KRT77: variants seen among roughly 807,000 people sequenced by gnomAD.
KRT77 encodes keratin, type II cytoskeletal 1b.
Under a neutral mutation model 51.5 loss-of-function variants are expected in KRT77, and 44 were observed. The observed-to-expected ratio is 0.85, with a 90% confidence interval of 0.67 to 1.10. The LOEUF (loss-of-function observed/expected upper bound fraction) is 1.10, where lower values mean the gene tolerates loss of function less well. Among genes scored for constraint, KRT77 ranks in the 50% least tolerant of loss-of-function variants. KRT77 has a pLI of 0.00. For synonymous variants in KRT77, 293 were observed against 302.0 expected, an observed-to-expected ratio of 0.97 and a Z score of 0.31; for missense variants, 763 against 743.9, an observed-to-expected ratio of 1.03 and a Z score of -0.30.
At chr12:52,691,910 C>T (rs1230950947) in intron 8 of KRT77, 28 bp downstream of exon 8, 1 of 1,613,564 alleles carries the variant, frequency 6.2e-7, no homozygotes, top group Non-Finnish European at 8.5e-7. Context: ...CCACCAGCCT[C>T]TCTCTGCCCC....
intron 3 of KRT77, 49 bp from the exon 4 acceptor site, chr12:52,695,916 G>T: frequency 8.3e-7 from 1 of 1,201,518 alleles, no homozygotes; most frequent in East Asian, 2.3e-5. Flanking sequence ...GGCATTGCCT[G>T]CCACCAGCTC....
rs1941693893 is a variant in KRT77 at position 52,690,933 on chromosome 12, G to C, written c.*232C>G. On this transcript the variant is annotated 3_prime_UTR_variant, in exon 9 of 9. Coordinates refer to ENST00000341809, the MANE Select transcript of KRT77 (RefSeq NM_175078.3). ...CAGCAGGGCCAGCAGAGCGGGGTCT[G>C]AGTGAGAATGTGCCTAGCTGTGAAT... 1.6e-6 allele frequency: 1 copy of C among 618,582 alleles called. No homozygotes were observed. The highest frequency in any genetic ancestry group is 1.9e-5 in the African/African-American group (1 of 53,478). The allele number at this position is 618,582 out of a possible 1,614,324, so 38.3% of individuals were successfully genotyped here.
intron 1 of KRT77, 79 bp from the exon 2 acceptor site, chr12:52,697,975 T>A: frequency 6.8e-7 from 1 of 1,464,220 alleles, no homozygotes; most frequent in Non-Finnish European, 9.5e-7. Flanking sequence ...CCATACCCCC[T>A]CAACACATCC....
At chr12:52,702,829 G>A (rs1941904220) in intron 1 of KRT77, 63 bp downstream of exon 1, 10 of 1,517,442 alleles carry the variant, frequency 6.6e-6, no homozygotes, top group Non-Finnish European at 8.2e-6. Flanking sequence ...AGGTGGTAAG[G>A]TGTAATCTCT....
chr12:52,695,622 G>A (rs1941783811), intron 4 of KRT77, 150 bp downstream of exon 4: 6 of 610,992 alleles, frequency 9.8e-6, no homozygotes, highest in Admixed American at 2.8e-5. Context: ...TGGAGAGGAT[G>A]GCTGACTCCA....
chr12:52,691,282 G>T lies in KRT77; in HGVS notation c.1620C>A (p.Ser540Arg), dbSNP rs764658932. 1.7e-5 allele frequency: 27 copies of T among 1,599,142 alleles called. No homozygotes were observed. Among genetic ancestry groups the T allele is most frequent in the Non-Finnish European group, 2.1e-5 (25 of 1,171,368 alleles). The change falls in exon 9 of 9, where the codon AGC becomes AGA. Residue 540 changes from serine to arginine, a missense_variant. By Grantham distance (110) the Ser-to-Arg change is moderately radical. Coordinates refer to ENST00000341809, the MANE Select transcript of KRT77 (RefSeq NM_175078.3). The part of the protein sequence containing the change: ...ARGRSGGGYG[S>R]GCGGGGGSYG... ...AGCTCCCGCCACCGCCGCCGCAGCC[G>T]CTGCCATAACCGCCTCCACTCCTGC...
At chr12:52,695,396 G>C in intron 4 of KRT77, 1 of 200,750 alleles carries the variant, frequency 5.0e-6, no homozygotes, top group Admixed American at 5.2e-5. Context: ...CTCCCTTTGA[G>C]ACTCACACTG....
rs1340187397 is a variant in KRT77, at chr12:52,691,445, G to T, written c.1463-6C>A. 1 of 1,575,742 alleles carries T rather than the reference G, an allele frequency of 6.3e-7. No individual in the cohort carries two copies. Among genetic ancestry groups the T allele is most frequent in the Admixed American group, 1.7e-5 (1 of 57,472 alleles). ...CACCTGGCTGTTCTGCACGGCTGTG[G>T]GTAGGGGACAGTGCACACGGGGTCA... is the stretch of plus-strand genomic sequence containing the variant. On this transcript the variant is annotated splice_polypyrimidine_tract_variant and splice_region_variant and intron_variant, in intron 8 of 8. Coordinates refer to ENST00000341809, the MANE Select transcript of KRT77 (RefSeq NM_175078.3).
chr12:52,698,006 G>A (rs1275678231), intron 1 of KRT77, 110 bp from the exon 2 acceptor site: 2 of 1,411,636 alleles, frequency 1.4e-6, no homozygotes, highest in African/African-American at 1.4e-5. Context: ...GAATCAGGAT[G>A]GCTCCTCCAA....
At position 52,691,298 on chromosome 12, in the gene KRT77, C is replaced by A. The variant is rs1334140084; in HGVS notation, c.1604G>T (p.Gly535Val). 1 of 1,601,510 alleles carries A rather than the reference C, an allele frequency of 6.2e-7. No individual in the cohort carries two copies. The highest frequency in any genetic ancestry group is 1.3e-5 in the African/African-American group (1 of 74,604). ...YRGGGARGRS[G>V]GGYGSGCGGG... is the part of the protein sequence containing the mutation. ...GCCGCAGCCGCTGCCATAACCGCCT[C>A]CACTCCTGCCTCGTGCCCCGCCTCC... The change falls in exon 9 of 9, where the codon GGA becomes GTA. Residue 535 changes from glycine to valine, a missense_variant. Physicochemically the swap from Gly to Val is moderately radical, Grantham distance 109 (BLOSUM62 -3). Coordinates refer to ENST00000341809, the MANE Select transcript of KRT77 (RefSeq NM_175078.3).
intron 4 of KRT77, 50 bp from the exon 5 acceptor site, chr12:52,694,840 C>G (rs1941770642): frequency 2.1e-6 from 3 of 1,451,304 alleles, no homozygotes; most frequent in South Asian, 3.2e-5. Context: ...CTCTGGGGGC[C>G]TCAGTTTTCC....
chr12:52,691,270 G>T lies in KRT77; in HGVS notation c.1632C>A (p.Gly544=). The T allele has an allele frequency of 6.3e-7, 1 of 1,592,538 alleles. No homozygotes were observed. Among genetic ancestry groups the T allele is most frequent in the Non-Finnish European group, 8.6e-7 (1 of 1,168,676 alleles). ...SGGGYGSGCG[G]GGGSYGGSGR... ...CGCTCCCTCCGTAGCTCCCGCCACCGCCGCCGCAGCCGCTGCCATAACCGC... is the reference window on the plus strand; with the variant it reads ...CGCTCCCTCCGTAGCTCCCGCCACCTCCGCCGCAGCCGCTGCCATAACCGC... The change falls in exon 9 of 9, where the codon GGC becomes GGA. Residue 544 remains glycine, a synonymous_variant. Coordinates refer to ENST00000341809, the MANE Select transcript of KRT77 (RefSeq NM_175078.3).
At position 52,692,641 on chromosome 12, in the gene KRT77, T is replaced by A; in HGVS notation, c.1207A>T (p.Ile403Phe). Residue 403 changes from isoleucine (I) to phenylalanine (F), a missense_variant and splice_region_variant, in exon 7 of 9, where the codon ATT (isoleucine) becomes TTT (phenylalanine). Coordinates refer to ENST00000341809, the MANE Select transcript of KRT77 (RefSeq NM_175078.3). ...GAAATGAGTGACTGCATCTGTTCAA[T>A]CTGCTCCAGAGACAGTTGGAGACCA... ...QAEISNVKKQ[I>F]EQMQSLISDA... 1 of 1,563,830 alleles carries A rather than the reference T, an allele frequency of 6.4e-7. No individual in the cohort carries two copies. The highest frequency in any genetic ancestry group is 1.7e-5 in the Admixed American group (1 of 57,884).
In KRT77 at chr12:52,695,781, T is replaced by C. The variant is rs62639689; in HGVS notation, c.906A>G (p.Leu302=). Residue 302 remains leucine (L), a synonymous_variant, in exon 4 of 9, where the codon TTA becomes TTG. Transcript: ENST00000341809. The stretch of plus-strand genomic sequence containing the variant: ...TAAAGGCTTAACTCACCGTCAAAAA[T>C]AAATATTTCAAGAAATTGACCTCCC... ...LTGEVNFLKY[L]FLTELSQVQT... is the part of the protein sequence containing the mutation. The C allele has an allele frequency of 4.6e-3, 7,340 of 1,611,720 alleles. 293 individuals are homozygous for C. In the African/African-American group the frequency reaches 0.086, roughly 19 times the overall value.
chr12:52,694,740 G>C lies in KRT77; in HGVS notation c.966C>G (p.Ser322=), dbSNP rs893310092. The part of the protein sequence containing the change: ...THISDTNVIL[S]MDNNRSLDLD... ...GGTCCAGGGAACGGTTATTGTCCAT[G>C]GACAGGATGACGTTGGTGTCGCTGA... is the stretch of plus-strand genomic sequence containing the variant. The change falls in exon 5 of 9, where the codon TCC becomes TCG. Residue 322 remains serine, a synonymous_variant. Transcript: ENST00000341809. The C allele has an allele frequency of 5.0e-6, 8 of 1,612,908 alleles. No homozygotes were observed. The highest frequency in any genetic ancestry group is 3.3e-5 in the Admixed American group (2 of 59,966).
Position 52,692,505 on chromosome 12 carries a change from T to C in KRT77, c.1343A>G (p.Asp448Gly). 1.2e-6 allele frequency: 2 copies of C among 1,613,906 alleles called. No homozygotes were observed. Among genetic ancestry groups the C allele is most frequent in the East Asian group, 2.2e-5 (1 of 44,858 alleles). Residue 448 changes from aspartate (D) to glycine (G), a missense_variant, in exon 7 of 9, where the codon GAC (aspartate) becomes GGC (glycine). Coordinates refer to ENST00000341809, the MANE Select transcript of KRT77 (RefSeq NM_175078.3). ...CTTGACCCCCAGCATGGCCTGGTAG[T>C]CACGCAGCAGCCGGGCCAGCTCCTC... ...SKEELARLLRDYQAMLGVKLS... is the reference protein window; with the variant it reads ...SKEELARLLRGYQAMLGVKLS...
At position 52,691,062 on chromosome 12, in the gene KRT77, A is replaced by G. The variant is rs1328730054; in HGVS notation, c.*103T>C. On this transcript the variant is annotated 3_prime_UTR_variant, in exon 9 of 9. Coordinates refer to ENST00000341809, the MANE Select transcript of KRT77 (RefSeq NM_175078.3). Reference sequence around the variant, plus strand: ...TTTATTGGCAAAATTGCTGAGACCCATTAAGAAAAGTGAATGAGAGGGGAT... The same window carrying G: ...TTTATTGGCAAAATTGCTGAGACCCGTTAAGAAAAGTGAATGAGAGGGGAT... 12 of 1,551,570 alleles carry G rather than the reference A, an allele frequency of 7.7e-6. No homozygotes were observed. Among genetic ancestry groups the G allele is most frequent in the African/African-American group, 2.7e-5 (2 of 73,598 alleles).
At position 52,692,931 on chromosome 12, in the gene KRT77, C is replaced by T. The variant is rs753690056; in HGVS notation, c.1081-51G>A. ...CAGCATGTGCTGCCCACCACAAGCC[C>T]CTCCAGGAGGGAGTAGGTCTGGGCT... On this transcript the variant is annotated intron_variant, in intron 5 of 8. Coordinates refer to ENST00000341809, the MANE Select transcript of KRT77 (RefSeq NM_175078.3). 6.3e-6 allele frequency: 10 copies of T among 1,589,758 alleles called. No individual in the cohort carries two copies. In the South Asian group the frequency reaches 1.1e-4, roughly 18 times the overall value.
rs747793089 is a variant in KRT77, at chr12:52,697,856, T to C, written c.584A>G (p.Lys195Arg). The C allele has an allele frequency of 6.2e-7, 1 of 1,613,936 alleles. No individual in the cohort carries two copies. Among genetic ancestry groups the C allele is most frequent in the South Asian group, 1.1e-5 (1 of 91,070 alleles). ...GTTCACCTGCTGCAGCAACTCCCATTTTGTTTGTAGCACCTGGTTCTGCTG... is the reference window on the plus strand; with the variant it reads ...GTTCACCTGCTGCAGCAACTCCCATCTTGTTTGTAGCACCTGGTTCTGCTG... ...LEQQNQVLQT[K>R]WELLQQVNTS... is the part of the protein sequence containing the mutation. Residue 195 changes from lysine to arginine, a missense_variant, in exon 2 of 9, where the codon AAA (lysine) becomes AGA (arginine). By Grantham distance (26) the Lys-to-Arg change is conservative. Transcript: ENST00000341809.
Sources: gnomAD v4.1 joint callset for allele counts on GRCh38, gnomAD v4.1.1 for gene constraint, MANE v1.5 for transcripts, NCBI Gene and HGNC (gene_info 2026-07-23, HGNC 2026-07-21) for gene names.